The following PRH1 variants were observed in gnomAD, a reference collection of about 807,000 sequenced individuals.
The protein encoded by PRH1 is salivary acidic proline-rich phosphoprotein 1/2.
Under a neutral mutation model 7.9 loss-of-function variants are expected in PRH1, and 7 were observed. That is an observed-to-expected ratio of 0.89 (90% CI 0.50 to 1.67). PRH1 has a LOEUF of 1.67. PRH1 is among the 40% of genes most tolerant of loss of function. The probability of loss-of-function intolerance (pLI) is 0.00; values close to 1 mark genes in which losing one functional copy is unlikely to be tolerated. For synonymous variants in PRH1, 45 were observed against 80.8 expected (o/e 0.56, Z 2.38); for missense variants, 109 against 223.6 (o/e 0.49, Z 3.27).
At chr12:11,073,649 G>A (rs1213597252) in intron 1 of PRH1, among the ~76,000 whole-genome samples, 1 of 151,892 alleles carries the variant, frequency 6.6e-6, no homozygotes, top group Non-Finnish European at 1.5e-5. Flanking sequence ...CAGAATGAAT[G>A]CAAAGACTAG....
chr12:11,078,339 T>C lies in PRH1; in HGVS notation n.124-31151A>G, dbSNP rs570461953. 1.8e-4 allele frequency: 43 copies of C among 237,718 alleles called. 1 individual carries two copies. Among genetic ancestry groups the C allele is most frequent in the Non-Finnish European group, 2.8e-4 (33 of 115,870 alleles). The allele number at this position is 237,718 out of a possible 1,614,324, so 14.7% of individuals were successfully genotyped here. The stretch of plus-strand genomic sequence containing the variant: ...TTAACTTCGATAAACACTTGATTAC[T>C]AAATGTGCAATAACATTTTCTGCCT... On this transcript the variant is annotated intron_variant and non_coding_transcript_variant, in intron 1 of 4. Coordinates refer to the PRH1 transcript ENST00000541977.
chr12:11,144,864 T>C (rs1946817873), intron 1 of PRH1, among the ~76,000 whole-genome samples: 1 of 152,340 alleles, frequency 6.6e-6, no homozygotes, highest in Middle Eastern at 3.4e-3. Context: ...AGACCTTCAG[T>C]TCTCCAGTGG....
At chr12:11,021,614 G>T (rs114463974) in intron 1 of PRH1, 100 of 1,293,864 alleles carry the variant, frequency 7.7e-5, no homozygotes, top group Non-Finnish European at 9.2e-5. Flanking sequence ...TTTTCTGCTA[G>T]AAGACCCACG....
chr12:11,109,587 T>C (rs561627741), intron 1 of PRH1, among the ~76,000 whole-genome samples: 1 of 151,996 alleles, frequency 6.6e-6, no homozygotes, highest in Non-Finnish European at 1.5e-5. Context: ...CCCTGACTGT[T>C]AGAAGGAAAA....
At chr12:10,908,701 G>A in intron 2 of PRH1, 1 of 1,613,844 alleles carries the variant, frequency 6.2e-7, no homozygotes, top group Non-Finnish European at 8.5e-7. Context: ...AAAATTAACA[G>A]GAGAAAAGAG....
chr12:10,923,324 TC>T (rs1950078787), intron 2 of PRH1, among the ~76,000 whole-genome samples: 1 of 151,668 alleles, frequency 6.6e-6, no homozygotes, highest in African/African-American at 2.4e-5. Context: ...GATGGGGGTT[TC>T]ACCACATTGG....
At chr12:11,092,450 G>T in intron 1 of PRH1, 1 of 300,368 alleles carries the variant, frequency 3.3e-6, no homozygotes, top group Non-Finnish European at 6.6e-6. Context: ...AGGCAACCCA[G>T]GTAGGTTGCC....
chr12:10,948,488 T>G (rs1381066862), intron 2 of PRH1, among the ~76,000 whole-genome samples: 3 of 152,214 alleles, frequency 2.0e-5, no homozygotes, highest in African/African-American at 7.2e-5. Context: ...ACCCATTAAA[T>G]TCTTTCTAAT....
At position 11,091,169 on chromosome 12, in the gene PRH1, A is replaced by G; in HGVS notation, n.124-43981T>C. Reference sequence around the variant, plus strand: ...TTTCTAGACTGCCATTGGGTCAAAGACTTTTCTAGGTATACGTTTGGAAAT... The same window carrying G: ...TTTCTAGACTGCCATTGGGTCAAAGGCTTTTCTAGGTATACGTTTGGAAAT... On this transcript the variant is annotated intron_variant and non_coding_transcript_variant, in intron 1 of 4. Transcript: ENST00000541977. 3.4e-6 allele frequency: 2 copies of G among 592,408 alleles called. 1 individual carries two copies. The highest frequency in any genetic ancestry group is 1.1e-4 in the Admixed American group (2 of 18,386). The allele number at this position is 592,408 out of a possible 1,614,324, so 36.7% of individuals were successfully genotyped here.
chr12:10,912,872 A>G (rs879354843), intron 2 of PRH1, among the ~76,000 whole-genome samples: 1 of 152,140 alleles, frequency 6.6e-6, no homozygotes, highest in Non-Finnish European at 1.5e-5. Context: ...TGTATCCTGT[A>G]GCTTTGGGGT....
chr12:10,930,026 A>G (rs1950180753), intron 2 of PRH1, among the ~76,000 whole-genome samples: 1 of 152,002 alleles, frequency 6.6e-6, no homozygotes, highest in Non-Finnish European at 1.5e-5. Context: ...ACTAAGGCTT[A>G]AGGAATCATG....
chr12:10,982,981 T>C (rs1442957288), intron 1 of PRH1, among the ~76,000 whole-genome samples: 1 of 152,186 alleles, frequency 6.6e-6, no homozygotes, highest in African/African-American at 2.4e-5. Context: ...CTAAAGGAGT[T>C]TGCAAGGGCT....
chr12:10,890,619 A>C (rs1338082340), intron 2 of PRH1, among the ~76,000 whole-genome samples: 1 of 152,136 alleles, frequency 6.6e-6, no homozygotes, highest in Non-Finnish European at 1.5e-5. Context: ...CATGCCTGTA[A>C]TATCAGTACT....
chr12:11,131,245 C>T (rs1308986117), intron 1 of PRH1, among the ~76,000 whole-genome samples: 3 of 152,236 alleles, frequency 2.0e-5, no homozygotes, highest in African/African-American at 7.2e-5. Flanking sequence ...TGTAGCCCTT[C>T]TGGAAAAGTT....
intron 2 of PRH1, among the ~76,000 whole-genome samples, chr12:10,947,754 T>C (rs1314339734): frequency 2.6e-5 from 4 of 152,094 alleles, no homozygotes; most frequent in Non-Finnish European, 4.4e-5. Flanking sequence ...GGGTTTTTTT[T>C]ATTAGCTGGT....
intron 1 of PRH1, among the ~76,000 whole-genome samples, chr12:11,142,171 C>T (rs562682020): frequency 6.6e-6 from 1 of 152,222 alleles, no homozygotes; most frequent in Non-Finnish European, 1.5e-5. Flanking sequence ...ATAAAAGAAA[C>T]AAAAGGCCAA....
At chr12:10,981,808 C>T (rs1939370649) in intron 1 of PRH1, among the ~76,000 whole-genome samples, 1 of 151,960 alleles carries the variant, frequency 6.6e-6, no homozygotes, top group South Asian at 2.1e-4. Context: ...AGCAATCCTC[C>T]TGCCTGAGTC....
chr12:11,126,653 A>C (rs1347350368), intron 1 of PRH1, among the ~76,000 whole-genome samples: 2 of 140,614 alleles, frequency 1.4e-5, no homozygotes, highest in Non-Finnish European at 3.2e-5. Flanking sequence ...TAATCAGATA[A>C]TGCCATACTC....
At chr12:11,060,238 C>T (rs1026043642) in intron 1 of PRH1, among the ~76,000 whole-genome samples, 1 of 150,934 alleles carries the variant, frequency 6.6e-6, no homozygotes, top group African/African-American at 2.4e-5. Flanking sequence ...CAACCACTTT[C>T]ATTTCATCAT....
Sources: gnomAD v4.1 joint callset for allele counts (sites outside exome capture counted in the v4.1 genomes callset) on GRCh38, gnomAD v4.1.1 for gene constraint, MANE v1.5 for transcripts, NCBI Gene and HGNC (gene_info 2026-07-23, HGNC 2026-07-21) for gene names.